Variants in BEGAIN observed in about 807,000 individuals in gnomAD.
BEGAIN encodes brain enriched guanylate kinase associated, also known as brain-enriched guanylate kinase-associated protein.
BEGAIN carries 19 observed loss-of-function variants against 35.8 expected under a neutral mutation model. That is an observed-to-expected ratio of 0.53 (90% CI 0.37 to 0.78). The LOEUF is 0.78. Among genes scored for constraint, BEGAIN ranks in the 30% least tolerant of loss-of-function variants. The pLI, the probability that BEGAIN is intolerant of heterozygous loss-of-function variation, is 0.00. For missense variants in BEGAIN, 795 were observed against 853.6 expected (o/e 0.93, Z 0.85); for synonymous variants, 462 against 388.6 (o/e 1.19, Z -2.22).
chr14:100,565,402 C>A (rs1049198606), intron 2 of BEGAIN, among the ~76,000 whole-genome samples: 2 of 152,170 alleles, frequency 1.3e-5, no homozygotes, highest in Non-Finnish European at 2.9e-5. Context: ...GAAGAGAGAC[C>A]CCTCAATGTA....
Position 100,539,116 on chromosome 14 carries a change from C to T in BEGAIN, c.692G>A (p.Gly231Glu). The T allele has an allele frequency of 1.2e-6, 2 of 1,607,868 alleles. No individual in the cohort carries two copies. Among genetic ancestry groups the T allele is most frequent in the Non-Finnish European group, 1.7e-6 (2 of 1,176,078 alleles). The change falls in exon 7 of 7, where the codon GGG becomes GAG. Residue 231 changes from glycine to glutamate, a missense_variant. Coordinates refer to ENST00000554140, the MANE Select transcript of BEGAIN (RefSeq NM_001385089.1). The stretch of plus-strand genomic sequence containing the variant: ...GGGCCGCGGGCCTGGTTTCTCCACC[C>T]CGTCGCAGAAGGCCAGGTCGCGGGC... Reference protein sequence around the residue: ...ASARDLAFCDGVEKPGPRPPY... With the variant: ...ASARDLAFCDEVEKPGPRPPY...
chr14:100,544,930 T>G lies in BEGAIN; in HGVS notation c.300+70A>C, dbSNP rs992595921. 1.8e-5 allele frequency: 26 copies of G among 1,478,266 alleles called. No individual in the cohort carries two copies. In the Admixed American group the frequency reaches 4.4e-4, roughly 25 times the overall value. 91.6% of individuals were successfully genotyped at this position (1,478,266 alleles called of 1,614,324 possible). On this transcript the variant is annotated intron_variant, in intron 4 of 6. Coordinates refer to ENST00000554140, the MANE Select transcript of BEGAIN (RefSeq NM_001385089.1). ...TCCCAGCTCCTGAGTGGCCCAGGGG[T>G]GTCAGCTGGGTGGCTCCCCCCGGGA... is the stretch of plus-strand genomic sequence containing the variant.
At chr14:100,554,026 C>T (rs2033460787) in intron 2 of BEGAIN, among the ~76,000 whole-genome samples, 1 of 152,226 alleles carries the variant, frequency 6.6e-6, no homozygotes, top group South Asian at 2.1e-4. Context: ...GTCCTTCCTC[C>T]GTCACGGGGG....
intron 2 of BEGAIN, among the ~76,000 whole-genome samples, chr14:100,550,987 C>T (rs1021721735): frequency 6.6e-6 from 1 of 152,164 alleles, no homozygotes; most frequent in Non-Finnish European, 1.5e-5. Context: ...CAAGCTCCCC[C>T]TCCCTACTAG....
chr14:100,551,134 G>A (rs1253770483), intron 2 of BEGAIN, among the ~76,000 whole-genome samples: 1 of 152,194 alleles, frequency 6.6e-6, no homozygotes, highest in Non-Finnish European at 1.5e-5. Context: ...AGGGATCCGG[G>A]GTCCACTTCA....
At chr14:100,545,351 G>C in intron 3 of BEGAIN, 2 of 1,291,292 alleles carry the variant, frequency 1.5e-6, no homozygotes, top group Non-Finnish European at 2.0e-6. Flanking sequence ...ATTCACAAGA[G>C]ACTCTGTCCC....
At chr14:100,551,152 C>T (rs978379462) in intron 2 of BEGAIN, among the ~76,000 whole-genome samples, 23 of 152,208 alleles carry the variant, frequency 1.5e-4, no homozygotes, top group African/African-American at 5.6e-4. Context: ...TCACCCTGCC[C>T]CGGGGCCCCT....
rs1236511630 is a variant in BEGAIN, at chr14:100,558,065, C to T, written c.71+9846G>A. On this transcript the variant is annotated intron_variant, in intron 2 of 6. Coordinates refer to ENST00000554140, the MANE Select transcript of BEGAIN (RefSeq NM_001385089.1). The surrounding 1 kb of genome is among the most constrained non-coding windows in gnomAD (Gnocchi z 4.6). ...GGGGCTCCAGCTAGTCTCCCTCGCT[C>T]CTGAACCATCCATTTTTCCCTCGCT... is the stretch of plus-strand genomic sequence containing the variant. Among the ~76,000 whole-genome samples the T allele has an allele frequency of 6.6e-6, 1 of 152,150 alleles. No individual in the cohort carries two copies. The highest frequency in any genetic ancestry group is 2.4e-5 in the African/African-American group (1 of 41,428).
chr14:100,565,814 G>A (rs1490842753), intron 2 of BEGAIN, among the ~76,000 whole-genome samples: 1 of 152,200 alleles, frequency 6.6e-6, no homozygotes, highest in African/African-American at 2.4e-5. Flanking sequence ...CCTGGTTGTG[G>A]TTAGGACACC....
chr14:100,581,472 G>A (rs2035314396), intron 1 of BEGAIN, among the ~76,000 whole-genome samples: 1 of 151,930 alleles, frequency 6.6e-6, no homozygotes, highest in African/African-American at 2.4e-5. Context: ...TCCGGCTCCT[G>A]GCACCGCAGC....
At chr14:100,553,466 C>T (rs1373470522) in intron 2 of BEGAIN, among the ~76,000 whole-genome samples, 1 of 152,140 alleles carries the variant, frequency 6.6e-6, no homozygotes, top group Non-Finnish European at 1.5e-5. Flanking sequence ...GACATTTTGC[C>T]TCAAGCCAGA....
In BEGAIN at chr14:100,569,065, G is replaced by A. The variant is rs58983758; in HGVS notation, c.43-1126C>T. Reference sequence around the variant, plus strand: ...GCGCCAAGCTAGAAGGCCCGGCCCCGGGGCCTCGGCCAGGCTCGGCCACCA... The same window carrying A: ...GCGCCAAGCTAGAAGGCCCGGCCCCAGGGCCTCGGCCAGGCTCGGCCACCA... On this transcript the variant is annotated intron_variant, in intron 1 of 6. Transcript: ENST00000554140. 4,101 of 506,630 alleles carry A rather than the reference G, an allele frequency of 8.1e-3. 164 individuals are homozygous for A. Among genetic ancestry groups the A allele is most frequent in the African/African-American group, 0.08 (3,865 of 48,120 alleles). The allele number at this position is 506,630 out of a possible 1,614,324, so 31.4% of individuals were successfully genotyped here. A position where few individuals can be genotyped will look rare whatever the true frequency, so the allele number is the denominator to read the frequency against.
rs150950953 is a variant in BEGAIN, at chr14:100,540,641, C to T, written c.409-62G>A. The T allele has an allele frequency of 9.3e-3, 12,544 of 1,348,666 alleles. 109 individuals are homozygous for T. The highest frequency in any genetic ancestry group is 0.019 in the South Asian group (1,556 of 79,830). 83.5% of individuals were successfully genotyped at this position (1,348,666 alleles called of 1,614,324 possible). A position where few individuals can be genotyped will look rare whatever the true frequency, so the allele number is the denominator to read the frequency against. On this transcript the variant is annotated intron_variant, in intron 5 of 6. Coordinates refer to ENST00000554140, the MANE Select transcript of BEGAIN (RefSeq NM_001385089.1). ...CCAGCCAAGGCCCCGCCGCCCTGAC[C>T]AGCGCCAAGTGGCCAGCGGGGGCAG...
Position 100,538,478 on chromosome 14 carries a change from C to T in BEGAIN, c.1330G>A (p.Asp444Asn). ...ACGGGGTAGGAGTAGGCGCCGATGT[C>T]CTCCACGCTCAGGGGACGCCACTGG... is the stretch of plus-strand genomic sequence containing the variant. ...RGQWRPLSVE[D>N]IGAYSYPVSA... The change falls in exon 7 of 7, where the codon GAC (aspartate) becomes AAC (asparagine). Residue 444 changes from aspartate to asparagine, a missense_variant. Physicochemically the swap from Asp to Asn is conservative, Grantham distance 23. Transcript: ENST00000554140. The T allele has an allele frequency of 1.3e-6, 2 of 1,564,992 alleles. No homozygotes were observed. The highest frequency in any genetic ancestry group is 1.2e-5 in the South Asian group (1 of 83,434).
chr14:100,554,565 G>A (rs971309445), intron 2 of BEGAIN, among the ~76,000 whole-genome samples: 4 of 151,976 alleles, frequency 2.6e-5, no homozygotes, highest in Admixed American at 1.3e-4. Context: ...TCCTCTCCAC[G>A]TAGCACCTGA....
At chr14:100,562,009 G>A (rs955780598) in intron 2 of BEGAIN, among the ~76,000 whole-genome samples, 1 of 152,168 alleles carries the variant, frequency 6.6e-6, no homozygotes, top group African/African-American at 2.4e-5. Flanking sequence ...GCTGCAAAGG[G>A]AGAAATCAAA....
rs2035451086 is a variant in BEGAIN at position 100,586,643 on chromosome 14, G to A, written c.42+606C>T. Among the ~76,000 whole-genome samples, 1 of 152,188 alleles carries A rather than the reference G, an allele frequency of 6.6e-6. No homozygotes were observed. Among genetic ancestry groups the A allele is most frequent in the African/African-American group, 2.4e-5 (1 of 41,460 alleles). On this transcript the variant is annotated intron_variant, in intron 1 of 6. Coordinates refer to ENST00000554140, the MANE Select transcript of BEGAIN (RefSeq NM_001385089.1). The surrounding 1 kb of genome is among the most constrained non-coding windows in gnomAD (Gnocchi z 4.9). ...CTGAGCCGCTCTGGGCGAGGCCCTG[G>A]CCTCCCTGAGCCTCAGTTTCCTCGC...
intron 3 of BEGAIN, chr14:100,545,972 A>G (rs977827976): frequency 2.0e-5 from 3 of 152,622 alleles, no homozygotes; most frequent in Non-Finnish European, 4.4e-5. Flanking sequence ...TCAGAAAAAC[A>G]TCCATTTTAA....
Position 100,537,961 on chromosome 14 carries a change from G to C in BEGAIN, c.*8C>G. 6.2e-7 allele frequency: 1 copy of C among 1,601,536 alleles called. No individual in the cohort carries two copies. The highest frequency in any genetic ancestry group is 1.1e-5 in the South Asian group (1 of 89,718). On this transcript the variant is annotated 3_prime_UTR_variant, in exon 7 of 7. Coordinates refer to ENST00000554140, the MANE Select transcript of BEGAIN (RefSeq NM_001385089.1). ...GAGCGAACCACGGCCAGGCCTGCAC[G>C]CAGGCGCTCAGTTGAGCAAGGTTCC...
Sources: allele counts gnomAD v4.1 joint callset (sites outside exome capture counted in the v4.1 genomes callset), GRCh38; gene constraint gnomAD v4.1.1; non-coding constraint Gnocchi (gnomAD v3.1); transcripts MANE v1.5; gene names NCBI Gene and HGNC (gene_info 2026-07-23, HGNC 2026-07-21).